The following TBC1D19 variants were observed in gnomAD, a reference collection of about 807,000 sequenced individuals.
TBC1D19 encodes the protein TBC1 domain family member 19.
A neutral mutation model predicts 89.0 loss-of-function variants in TBC1D19; 60 were observed. The observed-to-expected ratio is 0.67, with a 90% confidence interval of 0.55 to 0.84. The LOEUF (loss-of-function observed/expected upper bound fraction) is 0.84. TBC1D19 is among the 40% of genes least tolerant of loss of function. TBC1D19 has a pLI of 0.00. For synonymous variants in TBC1D19, 189 were observed against 199.7 expected, an observed-to-expected ratio of 0.95 and a Z score of 0.45; for missense variants, 500 against 610.8, an observed-to-expected ratio of 0.82 and a Z score of 1.91.
rs568018236 is a variant in TBC1D19 at position 26,600,131 on chromosome 4, T to C, written c.100-13038T>C. Among the ~76,000 whole-genome samples the C allele has an allele frequency of 1.4e-3, 214 of 152,256 alleles. 1 individual carries two copies. Among genetic ancestry groups the C allele is most frequent in the Middle Eastern group, 3.4e-3 (1 of 294 alleles). On this transcript the variant is annotated intron_variant, in intron 1 of 20. Transcript: ENST00000264866. Reference sequence around the variant, plus strand: ...TTAAGTGTTTAATATGTTTTGTTGCTCAGATTGTCATTATAAATAATAGAA... The same window carrying C: ...TTAAGTGTTTAATATGTTTTGTTGCCCAGATTGTCATTATAAATAATAGAA...
the TBC1D19 span, among the ~76,000 whole-genome samples, chr4:26,774,678 T>C: frequency 6.6e-6 from 1 of 152,252 alleles, no homozygotes; most frequent in Admixed American, 6.5e-5. Flanking sequence ...TACTTATTAG[T>C]TCTAGTAGAT....
At chr4:26,713,953 C>A (rs1367965829) in intron 13 of TBC1D19, among the ~76,000 whole-genome samples, 1 of 151,876 alleles carries the variant, frequency 6.6e-6, no homozygotes, top group Non-Finnish European at 1.5e-5. Flanking sequence ...TTGTCAGAAA[C>A]AGCATAAAGT....
At chr4:26,673,440 T>C (rs1235246379) in intron 10 of TBC1D19, among the ~76,000 whole-genome samples, 14 of 16,604 alleles carry the variant, frequency 8.4e-4, no homozygotes, top group Admixed American at 5.5e-3. Flanking sequence ...TATATATATA[T>C]ATATATACAC....
chr4:26,640,270 G>A (rs1743412461), intron 7 of TBC1D19, 83 bp downstream of exon 7: 6 of 1,169,318 alleles, frequency 5.1e-6, no homozygotes, highest in Non-Finnish European at 7.6e-6. Flanking sequence ...TCAAGGCAGA[G>A]GGATTAGCAT....
chr4:26,795,891 C>A, the TBC1D19 span, among the ~76,000 whole-genome samples: 1 of 152,174 alleles, frequency 6.6e-6, no homozygotes. Flanking sequence ...CACATCTGCC[C>A]AGTTCCATCT....
intron 6 of TBC1D19, among the ~76,000 whole-genome samples, chr4:26,639,587 G>A (rs1560436440): frequency 6.6e-6 from 1 of 152,012 alleles, no homozygotes; most frequent in Non-Finnish European, 1.5e-5. Context: ...AGTCAATTTT[G>A]TAAATATAAA....
At chr4:26,749,333 C>T (rs1718816278) in intron 19 of TBC1D19, among the ~76,000 whole-genome samples, 2 of 152,006 alleles carry the variant, frequency 1.3e-5, no homozygotes, top group South Asian at 2.1e-4. Context: ...TGTTTCCATA[C>T]CTTAAATTGA....
chr4:26,738,234 C>G (rs184870673), intron 16 of TBC1D19, among the ~76,000 whole-genome samples: 2 of 151,130 alleles, frequency 1.3e-5, no homozygotes, highest in Non-Finnish European at 3.0e-5. Flanking sequence ...TTTATGTATT[C>G]GTAGAAACAT....
intron 11 of TBC1D19, among the ~76,000 whole-genome samples, chr4:26,680,878 C>T (rs1713279479): frequency 6.6e-6 from 1 of 152,168 alleles, no homozygotes; most frequent in Non-Finnish European, 1.5e-5. Flanking sequence ...ATGTATTTCT[C>T]AGAATTCCAT....
chr4:26,640,586 C>G (rs371741291), intron 7 of TBC1D19, among the ~76,000 whole-genome samples: 48 of 152,258 alleles, frequency 3.2e-4, no homozygotes, highest in Middle Eastern at 3.4e-3. Flanking sequence ...GGAGGGTGAG[C>G]CGAAGCAGGG....
chr4:26,647,120 G>A (rs371534780), intron 7 of TBC1D19, among the ~76,000 whole-genome samples: 1 of 152,094 alleles, frequency 6.6e-6, no homozygotes, highest in East Asian at 1.9e-4. Flanking sequence ...ATTTGAAAGA[G>A]ATTTTAAGGA....
chr4:26,808,727 C>CAAAAAAAAAAAAA, the TBC1D19 span, among the ~76,000 whole-genome samples: 14 of 94,892 alleles, frequency 1.5e-4, no homozygotes, highest in East Asian at 3.1e-4. Flanking sequence ...GACTCTGTCT[C>CAAAAAAAAAAAAA]AAAAAAAAAA....
chr4:26,715,378 CG>C (rs1716524184), intron 13 of TBC1D19, among the ~76,000 whole-genome samples: 1 of 151,976 alleles, frequency 6.6e-6, no homozygotes, highest in Non-Finnish European at 1.5e-5. Flanking sequence ...TTGGCCCTGC[CG>C]TCACAGTGTA....
chr4:26,667,929 T>C (rs1711958680), intron 9 of TBC1D19, among the ~76,000 whole-genome samples: 1 of 151,990 alleles, frequency 6.6e-6, no homozygotes, highest in African/African-American at 2.4e-5. Context: ...TCTGGCAGAG[T>C]ATAGTGGTAT....
intron 10 of TBC1D19, 143 bp from the exon 11 acceptor site, chr4:26,673,633 A>T: frequency 1.6e-6 from 1 of 633,838 alleles, no homozygotes; most frequent in Admixed American, 2.8e-5. Flanking sequence ...CCAGAGAATA[A>T]ATTTTAAAAG....
At chr4:26,837,362 G>C in the TBC1D19 span, among the ~76,000 whole-genome samples, 1 of 152,156 alleles carries the variant, frequency 6.6e-6, no homozygotes, top group African/African-American at 2.4e-5. Context: ...CAATAGACTA[G>C]CAAATATGTA....
At chr4:26,627,625 T>C (rs1475701245) in intron 4 of TBC1D19, among the ~76,000 whole-genome samples, 1 of 152,058 alleles carries the variant, frequency 6.6e-6, no homozygotes, top group African/African-American at 2.4e-5. Flanking sequence ...TTGATTTGCA[T>C]TTCTCTGATG....
the TBC1D19 span, among the ~76,000 whole-genome samples, chr4:26,816,220 G>A: frequency 6.9e-6 from 1 of 145,896 alleles, no homozygotes; most frequent in Non-Finnish European, 1.5e-5. Context: ...TTTACCCAGG[G>A]GCTTGTAGCT....
At chr4:26,608,595 A>G (rs1167740447) in intron 1 of TBC1D19, among the ~76,000 whole-genome samples, 1 of 152,184 alleles carries the variant, frequency 6.6e-6, no homozygotes, top group Non-Finnish European at 1.5e-5. Context: ...ACCTTAAAGT[A>G]CTGAAAGTGT....
Sources: gnomAD v4.1 joint callset for allele counts (sites outside exome capture counted in the v4.1 genomes callset) on GRCh38, gnomAD v4.1.1 for gene constraint, MANE v1.5 for transcripts, NCBI Gene and HGNC (gene_info 2026-07-23, HGNC 2026-07-21) for gene names.